Variants in TTC7B observed in about 807,000 individuals in gnomAD.
The protein encoded by TTC7B is tetratricopeptide repeat protein 7B.
In TTC7B, 28 loss-of-function variants were observed where a neutral mutation model predicts 106.8. The ratio of observed to expected loss-of-function variants is 0.26; its 90% confidence interval spans 0.19 to 0.36. TTC7B has a LOEUF of 0.36. TTC7B is among the 10% of genes least tolerant of loss of function. The pLI, the probability that TTC7B is intolerant of heterozygous loss-of-function variation, is 1.00. For synonymous variants in TTC7B, 405 were observed against 430.6 expected, an observed-to-expected ratio of 0.94 and a Z score of 0.74; for missense variants, 862 against 1,076.4, an observed-to-expected ratio of 0.80 and a Z score of 2.79.
intron 5 of TTC7B, among the ~76,000 whole-genome samples, chr14:90,713,620 C>A (rs1408682725): frequency 6.6e-6 from 1 of 152,132 alleles, no homozygotes; most frequent in East Asian, 1.9e-4. Context: ...AAAATGGTAC[C>A]ATGGGATGGT....
rs114008254 is a variant in TTC7B at position 90,809,243 on chromosome 14, A to G, written c.121+6932T>C. Among the ~76,000 whole-genome samples the G allele has an allele frequency of 9.6e-3, 1,470 of 152,362 alleles. 19 individuals carry two copies. Among genetic ancestry groups the G allele is most frequent in the African/African-American group, 0.033 (1,384 of 41,580 alleles). On this transcript the variant is annotated intron_variant, in intron 1 of 19. Coordinates refer to ENST00000328459, the MANE Select transcript of TTC7B (RefSeq NM_001010854.2). ...AAGAGAGACTACTTCTTCCCTTTTA[A>G]GCATGGATGTCACCCTTAAGCAAAA...
chr14:90,758,451 G>A (rs1452787151), intron 3 of TTC7B, among the ~76,000 whole-genome samples: 1 of 143,168 alleles, frequency 7.0e-6, no homozygotes, highest in African/African-American at 2.6e-5. Flanking sequence ...AAACGCGAGG[G>A]GAGGGGAGAT....
chr14:90,603,766 A>G (rs1438286314), intron 17 of TTC7B, among the ~76,000 whole-genome samples: 1 of 152,182 alleles, frequency 6.6e-6, no homozygotes, highest in Non-Finnish European at 1.5e-5. Flanking sequence ...TCCTAACGGA[A>G]AAGTTGGGAC....
chr14:90,559,254 A>T (rs1890467133), intron 19 of TTC7B, among the ~76,000 whole-genome samples: 1 of 152,254 alleles, frequency 6.6e-6, no homozygotes, highest in African/African-American at 2.4e-5. Flanking sequence ...GCAGGGGTTC[A>T]CAGAATGGGT....
chr14:90,790,265 T>C (rs1474322024), intron 1 of TTC7B, among the ~76,000 whole-genome samples: 1 of 152,066 alleles, frequency 6.6e-6, no homozygotes, highest in Non-Finnish European at 1.5e-5. Context: ...ATTATTTACA[T>C]TGAGCAAAAT....
intron 1 of TTC7B, among the ~76,000 whole-genome samples, chr14:90,793,603 T>C (rs1232318291): frequency 8.4e-6 from 1 of 119,148 alleles, no homozygotes; most frequent in East Asian, 2.4e-4. Flanking sequence ...GTTTGTTTTT[T>C]TCTTTTTTTC....
intron 3 of TTC7B, among the ~76,000 whole-genome samples, chr14:90,777,099 G>A (rs908031470): frequency 6.6e-6 from 1 of 152,128 alleles, no homozygotes; most frequent in Non-Finnish European, 1.5e-5. Context: ...AATTAGCCAG[G>A]TGTGATAGTG....
Position 90,608,551 on chromosome 14 carries a change from GTGAA to G in TTC7B, c.1966+2187_1966+2190del, listed in dbSNP as rs1368101145. ...CTCCAAACACCTAGGCTCTCTGGAA[GTGAA>G]TGGTGGCCCACCCGAGAGACTGGCT... On this transcript the variant is annotated intron_variant, in intron 17 of 19. Coordinates refer to ENST00000328459, the MANE Select transcript of TTC7B (RefSeq NM_001010854.2). The surrounding 1 kb of genome is among the most constrained non-coding windows in gnomAD (Gnocchi z 5.1). Among the ~76,000 whole-genome samples the G allele has an allele frequency of 6.6e-6, 1 of 152,152 alleles. No homozygotes were observed. The highest frequency in any genetic ancestry group is 2.4e-5 in the African/African-American group (1 of 41,414).
rs569549056 is a variant in TTC7B, at chr14:90,541,456, G to A, written c.2444C>T (p.Ala815Val). Residue 815 changes from alanine to valine, a missense_variant, in exon 20 of 20, where the codon GCG (alanine) becomes GTG (valine). By Grantham distance (64) the Ala-to-Val change is moderately conservative (BLOSUM62 0). Coordinates refer to ENST00000328459, the MANE Select transcript of TTC7B (RefSeq NM_001010854.2). The stretch of plus-strand genomic sequence containing the variant: ...TGTCAGGAAGCACTCCGTAGCCGCC[G>A]CATCGTTGCCCTGAGCTTGGAGGAC... ...GEVLQAQGND[A>V]AATECFLTAL... is the part of the protein sequence containing the mutation. 12 of 1,613,958 alleles carry A rather than the reference G, an allele frequency of 7.4e-6. No homozygotes were observed. The Admixed American group carries it at 1.0e-4, about 13-fold the overall frequency.
chr14:90,624,257 AT>A lies in TTC7B; in HGVS notation c.1752-6213del, dbSNP rs925227192. Among the ~76,000 whole-genome samples, 5 of 152,228 alleles carry A rather than the reference AT, an allele frequency of 3.3e-5. No individual in the cohort carries two copies. Among genetic ancestry groups the A allele is most frequent in the African/African-American group, 1.2e-4 (5 of 41,470 alleles). ...TACTATTTTACTGTACTTCTGGAAT[AT>A]TTTAAGAATCTCAAGATAACTCTTG... is the stretch of plus-strand genomic sequence containing the variant. On this transcript the variant is annotated intron_variant, in intron 15 of 19. Transcript: ENST00000328459. This position sits in a 1 kb window ranked among gnomAD's most constrained non-coding sequence, Gnocchi z 4.0.
chr14:90,751,379 C>A (rs1266503545), intron 3 of TTC7B, among the ~76,000 whole-genome samples: 3 of 152,126 alleles, frequency 2.0e-5, no homozygotes, highest in Non-Finnish European at 4.4e-5. Flanking sequence ...AATGCCCTTT[C>A]TAAGAAGAGT....
intron 5 of TTC7B, among the ~76,000 whole-genome samples, chr14:90,725,839 C>T (rs1372651064): frequency 6.6e-6 from 1 of 152,220 alleles, no homozygotes; most frequent in East Asian, 1.9e-4. Flanking sequence ...TTTTGCCTAC[C>T]CAGGACACCT....
At chr14:90,710,535 A>G (rs947583052) in intron 5 of TTC7B, among the ~76,000 whole-genome samples, 1 of 152,240 alleles carries the variant, frequency 6.6e-6, no homozygotes, top group Non-Finnish European at 1.5e-5. Flanking sequence ...ATGAAACAGC[A>G]TTGCATGCTA....
intron 5 of TTC7B, among the ~76,000 whole-genome samples, chr14:90,725,175 C>T (rs923744173): frequency 6.6e-6 from 1 of 152,226 alleles, no homozygotes; most frequent in Non-Finnish European, 1.5e-5. Flanking sequence ...TGAACACTTG[C>T]TACCACTGCA....
In TTC7B at chr14:90,556,037, G is replaced by A. The variant is rs111929586; in HGVS notation, c.2311-14448C>T. Among the ~76,000 whole-genome samples the A allele has an allele frequency of 2.7e-3, 409 of 152,362 alleles. 3 individuals carry two copies. The highest frequency in any genetic ancestry group is 9.3e-3 in the African/African-American group (385 of 41,584). ...ATTCAGCAAACACACTCACAGGAGC[G>A]CCAGCGCAAGCACCTCCGGCGCGCC... On this transcript the variant is annotated intron_variant, in intron 19 of 19. Coordinates refer to ENST00000328459, the MANE Select transcript of TTC7B (RefSeq NM_001010854.2).
Position 90,780,751 on chromosome 14 carries a change from G to C in TTC7B, c.432C>G (p.Ala144=). The change falls in exon 3 of 20, where the codon GCC becomes GCG. Residue 144 remains alanine, a synonymous_variant. Coordinates refer to ENST00000328459, the MANE Select transcript of TTC7B (RefSeq NM_001010854.2). ...PPYRLRVIAE[A]YATKGLCLEK... is the part of the protein sequence containing the mutation. ...CACGGGCCTCACCTTTGGTAGCGTA[G>C]GCTTCTGCGATCACCCGCAGCCTGT... 6.2e-7 allele frequency: 1 copy of C among 1,614,180 alleles called. No homozygotes were observed. Among genetic ancestry groups the C allele is most frequent in the Non-Finnish European group, 8.5e-7 (1 of 1,180,044 alleles).
intron 9 of TTC7B, among the ~76,000 whole-genome samples, chr14:90,660,228 A>T (rs1449366024): frequency 6.6e-6 from 1 of 151,420 alleles, no homozygotes; most frequent in Non-Finnish European, 1.5e-5. Flanking sequence ...CTACAAAAAA[A>T]AATTAGTAAA....
At position 90,575,835 on chromosome 14, in the gene TTC7B, C is replaced by A. The variant is rs1407843619; in HGVS notation, c.2310+2271G>T. 1.3e-5 allele frequency among the ~76,000 whole-genome samples: 2 copies of A among 152,204 alleles called. No homozygotes were observed. The highest frequency in any genetic ancestry group is 2.9e-5 in the Non-Finnish European group (2 of 68,040). ...TCCAATCTGGATGGTTTTTCAATATCTCAGGATCCACGGAGAGAGGTTTTA... is the reference window on the plus strand; with the variant it reads ...TCCAATCTGGATGGTTTTTCAATATATCAGGATCCACGGAGAGAGGTTTTA... On this transcript the variant is annotated intron_variant, in intron 19 of 19. Transcript: ENST00000328459. The surrounding 1 kb of genome is among the most constrained non-coding windows in gnomAD (Gnocchi z 5.2).
intron 17 of TTC7B, among the ~76,000 whole-genome samples, chr14:90,598,241 G>T (rs974685632): frequency 6.6e-6 from 1 of 152,240 alleles, no homozygotes; most frequent in Non-Finnish European, 1.5e-5. Context: ...CTGAAATCTA[G>T]CACAGGTCTG....
Sources: allele counts gnomAD v4.1 joint callset (sites outside exome capture counted in the v4.1 genomes callset), GRCh38; gene constraint gnomAD v4.1.1; non-coding constraint Gnocchi (gnomAD v3.1); transcripts MANE v1.5; gene names NCBI Gene and HGNC (gene_info 2026-07-23, HGNC 2026-07-21).